Variants in TSC2 observed in about 807,000 individuals in gnomAD.
TSC2 encodes the protein tuberin.
A neutral mutation model predicts 202.2 loss-of-function variants in TSC2; 29 were observed. The ratio of observed to expected loss-of-function variants is 0.14; its 90% CI spans 0.11 to 0.20. The LOEUF (loss-of-function observed/expected upper bound fraction) is 0.20, where lower values mean the gene tolerates loss of function less well. Ranked by LOEUF, TSC2 falls within the 10% of genes least tolerant of loss-of-function variation. The pLI is 1.00. For synonymous variants in TSC2, 1,349 were observed against 1,044.0 expected (o/e 1.29, Z -5.63); for missense variants, 2,429 against 2,420.0 (o/e 1.00, Z -0.08).
Position 2,074,253 on chromosome 16 carries a change from G to A in TSC2, c.2409G>A (p.Gln803=), listed in dbSNP as rs1400548727. 1 of 1,612,828 alleles carries A rather than the reference G, an allele frequency of 6.2e-7. No homozygotes were observed. Among genetic ancestry groups the A allele is most frequent in the East Asian group, 2.2e-5 (1 of 44,890 alleles). Residue 803 remains glutamine (Q), a synonymous_variant, in exon 22 of 42, where the codon CAG becomes CAA. Coordinates refer to ENST00000219476, the MANE Select transcript of TSC2 (RefSeq NM_000548.5). ...GCCTCATCCACCGCTGTGCCAGCCA[G>A]TGCGTCGTGGCCTTGTCCATCTGCA... The part of the protein sequence containing the change: ...EQGLIHRCAS[Q]CVVALSICSV...
chr16:2,050,421 C>G lies in TSC2; in HGVS notation c.160C>G (p.Leu54Val), dbSNP rs1394176023. The G allele has an allele frequency of 6.2e-7, 1 of 1,613,838 alleles. No homozygotes were observed. The highest frequency in any genetic ancestry group is 8.5e-7 in the Non-Finnish European group (1 of 1,179,930). The change falls in exon 3 of 42, where the codon CTC becomes GTC. Residue 54 changes from leucine (L) to valine (V), a missense_variant. By Grantham distance (32) the Leu-to-Val change is conservative. Transcript: ENST00000219476. ...CCAGGAACTGAGCATGGAATGTGGCCTCAACAATCGCATCCGGATGATAGG... is the reference window on the plus strand; with the variant it reads ...CCAGGAACTGAGCATGGAATGTGGCGTCAACAATCGCATCCGGATGATAGG... ...ILRELSMECG[L>V]NNRIRMIGQI...
chr16:2,053,517 TG>T (rs2085388400), intron 4 of TSC2, 65 bp downstream of exon 4: 1 of 1,482,168 alleles, frequency 6.7e-7, no homozygotes. Flanking sequence ...CTGTCCCTGC[TG>T]GGCCGTGTTT....
At chr16:2,048,562 C>A in intron 1 of TSC2, 25 bp from the exon 2 acceptor site, 2 of 1,613,130 alleles carry the variant, frequency 1.2e-6, no homozygotes, top group Non-Finnish European at 1.7e-6. Context: ...GCTCAGATGT[C>A]CCCATTCCTG....
At chr16:2,081,888 C>A (rs573270698) in intron 31 of TSC2, 90 bp downstream of exon 31, 1 of 1,518,314 alleles carries the variant, frequency 6.6e-7, no homozygotes, top group South Asian at 1.2e-5. Flanking sequence ...CTGCTGAGGG[C>A]GCCCACACGG....
chr16:2,073,046 G>A, intron 21 of TSC2, 63 bp downstream of exon 21: 1 of 1,610,112 alleles, frequency 6.2e-7, no homozygotes, highest in South Asian at 1.1e-5. Flanking sequence ...CCTGGCCCAG[G>A]TAGGCCCCAC....
Position 2,079,471 on chromosome 16 carries a change from C to A in TSC2, c.3284+43C>A, listed in dbSNP as rs752568102. The A allele has an allele frequency of 9.6e-5, 154 of 1,611,546 alleles. 1 individual carries two copies. The highest frequency in any genetic ancestry group is 1.3e-4 in the Non-Finnish European group (151 of 1,179,512). On this transcript the variant is annotated intron_variant, in intron 28 of 41. Transcript: ENST00000219476. This position sits in a 1 kb window ranked among gnomAD's most constrained non-coding sequence, Gnocchi z 4.6. The stretch of plus-strand genomic sequence containing the variant: ...TCCTCCGCGCCTGCCAGCCTCGACA[C>A]CGGCTGTCCCGAGCCCAGGCCCACG...
chr16:2,089,460 G>A lies in TSC2; in HGVS notation c.*850G>A, dbSNP rs1472632292. On this transcript the variant is annotated 3_prime_UTR_variant, in exon 42 of 42. Coordinates refer to ENST00000219476, the MANE Select transcript of TSC2 (RefSeq NM_000548.5). ...ACAGCCCGCTGTACCTGAGGACTCGGGGAAATAAATTAGCATCTCAGAGGC... is the reference window on the plus strand; with the variant it reads ...ACAGCCCGCTGTACCTGAGGACTCGAGGAAATAAATTAGCATCTCAGAGGC... 4 of 544,132 alleles carry A rather than the reference G, an allele frequency of 7.4e-6. No individual in the cohort carries two copies. Among genetic ancestry groups the A allele is most frequent in the Non-Finnish European group, 1.3e-5 (4 of 303,864 alleles). 33.7% of individuals were successfully genotyped at this position (544,132 alleles called of 1,614,324 possible).
chr16:2,051,842 A>G (rs1340125123), intron 3 of TSC2, among the ~76,000 whole-genome samples: 1 of 152,206 alleles, frequency 6.6e-6, no homozygotes, highest in Non-Finnish European at 1.5e-5. Context: ...AGGTGGATGG[A>G]TCACCTGAGG....
chr16:2,085,431 G>C (rs1017262906), intron 36 of TSC2, 109 bp downstream of exon 36: 1 of 1,190,826 alleles, frequency 8.4e-7, no homozygotes, highest in Non-Finnish European at 1.2e-6. Flanking sequence ...AACACTGCCG[G>C]GTCCCCTACA....
At chr16:2,077,765 C>T in intron 26 of TSC2, 39 bp downstream of exon 26, 1 of 1,608,188 alleles carries the variant, frequency 6.2e-7, no homozygotes, top group Non-Finnish European at 8.5e-7. Flanking sequence ...GACCCTGGAG[C>T]TTGGCCCCGT....
intron 14 of TSC2, 62 bp downstream of exon 14, chr16:2,063,115 C>G: frequency 1.3e-6 from 2 of 1,535,284 alleles, no homozygotes; most frequent in South Asian, 2.4e-5. Context: ...CGGGCTGTCT[C>G]TGTTGTGCAC....
chr16:2,087,507 C>T (rs970893436), intron 38 of TSC2, among the ~76,000 whole-genome samples: 69 of 137,748 alleles, frequency 5.0e-4, no homozygotes, highest in African/African-American at 1.8e-3. Flanking sequence ...GGCACCTGGG[C>T]GGCTGAGGAG....
rs1057522260 is a variant in TSC2 at position 2,081,602 on chromosome 16, C to T, written c.3618C>T (p.Thr1206=). 1.9e-6 allele frequency: 3 copies of T among 1,612,892 alleles called. No homozygotes were observed. Among genetic ancestry groups the T allele is most frequent in the South Asian group, 2.2e-5 (2 of 91,078 alleles). Residue 1206 remains threonine (T), a synonymous_variant, in exon 31 of 42, where the codon ACC becomes ACT. Coordinates refer to ENST00000219476, the MANE Select transcript of TSC2 (RefSeq NM_000548.5). ...GTGCTGCCGCCTCCGCAGGGAACACCAGCTGGCTGATGAGCCTGGAGAACC... is the reference window on the plus strand; with the variant it reads ...GTGCTGCCGCCTCCGCAGGGAACACTAGCTGGCTGATGAGCCTGGAGAACC... ...EILVRRPTGN[T]SWLMSLENPL...
intron 5 of TSC2, chr16:2,055,187 G>T: frequency 1.6e-6 from 1 of 634,688 alleles, no homozygotes; most frequent in East Asian, 2.8e-5. Flanking sequence ...CAGCCCCAGG[G>T]GCGGTAGATC....
At chr16:2,083,588 C>T in intron 32 of TSC2, 107 bp from the exon 33 acceptor site, 3 of 1,530,296 alleles carry the variant, frequency 2.0e-6, no homozygotes, top group Non-Finnish European at 2.6e-6. Context: ...GGGAGGCTCG[C>T]AGGGCTGCTG....
Position 2,087,957 on chromosome 16 carries a change from G to A in TSC2, c.5068+16G>A, listed in dbSNP as rs2151615600. On this transcript the variant is annotated intron_variant, in intron 39 of 41. Transcript: ENST00000219476. ...TGCAGGAAAGGTAGGGCCGGGTGGG[G>A]CCCTGCAGTGCAGGAAAGGTAGGGC... 1 of 1,604,334 alleles carries A rather than the reference G, an allele frequency of 6.2e-7. No individual in the cohort carries two copies. The highest frequency in any genetic ancestry group is 8.5e-7 in the Non-Finnish European group (1 of 1,173,806).
intron 10 of TSC2, among the ~76,000 whole-genome samples, chr16:2,059,535 A>G (rs1447542984): frequency 3.8e-5 from 3 of 79,678 alleles, no homozygotes; most frequent in African/African-American, 1.5e-4. Flanking sequence ...TTTTTTTTTA[A>G]TGGGACAGAG....
At chr16:2,054,246 G>A (rs376543145) in intron 4 of TSC2, 50 bp from the exon 5 acceptor site, 36 of 1,613,316 alleles carry the variant, frequency 2.2e-5, no homozygotes, top group African/African-American at 1.3e-4. Context: ...CTTGGCAGCC[G>A]TGTGGGCGAC....
chr16:2,070,095 C>T (rs1238262948), intron 16 of TSC2, among the ~76,000 whole-genome samples: 1 of 151,230 alleles, frequency 6.6e-6, no homozygotes, highest in Non-Finnish European at 1.5e-5. Context: ...TCACACCTTG[C>T]CACACGTGTC....
Sources: allele counts gnomAD v4.1 joint callset (sites outside exome capture counted in the v4.1 genomes callset), GRCh38; gene constraint gnomAD v4.1.1; non-coding constraint Gnocchi (gnomAD v3.1); transcripts MANE v1.5; gene names NCBI Gene and HGNC (gene_info 2026-07-23, HGNC 2026-07-21).